Variants in CDH8 observed in about 807,000 individuals in gnomAD.
CDH8 encodes cadherin-8.
In CDH8, 17 loss-of-function variants were observed where a neutral mutation model predicts 68.1. That is an observed-to-expected ratio of 0.25 (90% CI 0.17 to 0.37). The LOEUF is 0.37. Among genes scored for constraint, CDH8 ranks in the 10% least tolerant of loss-of-function variants. The pLI is 1.00. For missense variants in CDH8, 763 were observed against 999.3 expected (o/e 0.76, Z 3.19); for synonymous variants, 372 against 365.1 (o/e 1.02, Z -0.21).
chr16:61,820,973 T>C lies in CDH8; in HGVS notation c.976A>G (p.Ile326Val), dbSNP rs200370241. 1.2e-5 allele frequency: 19 copies of C among 1,612,686 alleles called. No homozygotes were observed. The highest frequency in any genetic ancestry group is 1.4e-5 in the Non-Finnish European group (17 of 1,179,212). Residue 326 changes from isoleucine to valine, a missense_variant, in exon 6 of 12, where the codon ATC becomes GTC. Transcript: ENST00000577390. ...TCCTGGGCCTGGGCATCAGAAGTGA[T>C]TTCAAAAAGTGCTGTTCCATCTCCA... Reference protein sequence around the residue: ...IDGDGTALFEITSDAQAQDGI... With the variant: ...IDGDGTALFEVTSDAQAQDGI...
At chr16:61,856,684 T>C (rs1469851715) in intron 4 of CDH8, among the ~76,000 whole-genome samples, 2 of 152,124 alleles carry the variant, frequency 1.3e-5, no homozygotes, top group African/African-American at 4.8e-5. Flanking sequence ...GTGCACTGTG[T>C]GTTTGGTATT....
intron 8 of CDH8, among the ~76,000 whole-genome samples, chr16:61,763,281 G>T (rs1960511968): frequency 6.6e-6 from 1 of 152,118 alleles, no homozygotes; most frequent in African/African-American, 2.4e-5. Flanking sequence ...ATACACACGT[G>T]CCAGGGTCAG....
At chr16:61,883,538 A>C (rs1963616384) in intron 3 of CDH8, among the ~76,000 whole-genome samples, 1 of 151,990 alleles carries the variant, frequency 6.6e-6, no homozygotes, top group African/African-American at 2.4e-5. Flanking sequence ...CTTTGTTTCT[A>C]CTTATGGCAA....
intron 3 of CDH8, among the ~76,000 whole-genome samples, chr16:61,885,613 C>T (rs1237141433): frequency 2.0e-5 from 3 of 150,918 alleles, no homozygotes; most frequent in East Asian, 3.9e-4. Flanking sequence ...GACATTGTAA[C>T]GTGTTACATA....
At position 61,971,419 on chromosome 16, in the gene CDH8, C is replaced by A. The variant is rs543954781; in HGVS notation, c.252+49733G>T. Reference sequence around the variant, plus strand: ...CAGCTCACAGAACTCCAGGAAACTACATTTTCTGGTTTAATAGAATATTTT... The same window carrying A: ...CAGCTCACAGAACTCCAGGAAACTAAATTTTCTGGTTTAATAGAATATTTT... On this transcript the variant is annotated intron_variant, in intron 2 of 11. Coordinates refer to ENST00000577390, the MANE Select transcript of CDH8 (RefSeq NM_001796.5). Among the ~76,000 whole-genome samples, 7 of 152,202 alleles carry A rather than the reference C, an allele frequency of 4.6e-5. 1 individual carries two copies. In the South Asian group the frequency reaches 1.4e-3, roughly 32 times the overall value.
intron 3 of CDH8, among the ~76,000 whole-genome samples, chr16:61,872,194 A>G (rs1963382878): frequency 6.6e-6 from 1 of 152,208 alleles, no homozygotes; most frequent in African/African-American, 2.4e-5. Context: ...TGTTATCTCA[A>G]GTTTTTAATT....
intron 2 of CDH8, among the ~76,000 whole-genome samples, chr16:61,931,785 T>C (rs1249264755): frequency 6.6e-6 from 1 of 152,188 alleles, no homozygotes; most frequent in Non-Finnish European, 1.5e-5. Flanking sequence ...TTAAAACATC[T>C]ATAATACTAA....
intron 2 of CDH8, among the ~76,000 whole-genome samples, chr16:62,012,412 C>T (rs181759679): frequency 4.0e-4 from 61 of 152,234 alleles, no homozygotes; most frequent in African/African-American, 1.4e-3. Flanking sequence ...TTCACGGTTT[C>T]ATAAAAATGA....
chr16:61,894,588 C>T (rs1963838620), intron 3 of CDH8, among the ~76,000 whole-genome samples: 1 of 152,098 alleles, frequency 6.6e-6, no homozygotes, highest in Non-Finnish European at 1.5e-5. Context: ...ATTTGTACAA[C>T]ATTTGCAATT....
intron 2 of CDH8, among the ~76,000 whole-genome samples, chr16:61,921,652 T>C (rs1384432608): frequency 6.6e-6 from 1 of 152,182 alleles, no homozygotes; most frequent in Non-Finnish European, 1.5e-5. Flanking sequence ...ATTTCCCAAA[T>C]ACATGATGTT....
intron 2 of CDH8, among the ~76,000 whole-genome samples, chr16:61,950,620 CA>C (rs1224498547): frequency 2.6e-5 from 4 of 152,146 alleles, no homozygotes; most frequent in Non-Finnish European, 5.9e-5. Context: ...ATATCTACTT[CA>C]TTTCTTATTT....
intron 8 of CDH8, among the ~76,000 whole-genome samples, chr16:61,735,082 C>G (rs1221782210): frequency 6.6e-6 from 1 of 151,978 alleles, no homozygotes; most frequent in Non-Finnish European, 1.5e-5. Context: ...TTCTCGTCTT[C>G]TTCTTGTATC....
At chr16:61,833,209 A>T (rs1284223466) in intron 4 of CDH8, among the ~76,000 whole-genome samples, 1 of 151,316 alleles carries the variant, frequency 6.6e-6, no homozygotes, top group Non-Finnish European at 1.5e-5. Flanking sequence ...TATGTATAAT[A>T]TTATATACAC....
intron 2 of CDH8, among the ~76,000 whole-genome samples, chr16:61,973,718 T>C (rs1192380516): frequency 1.3e-5 from 2 of 152,200 alleles, no homozygotes; most frequent in Admixed American, 6.5e-5. Context: ...AGATGTCATA[T>C]CCTGAAGGAT....
chr16:61,681,154 C>A (rs931911970), intron 10 of CDH8, among the ~76,000 whole-genome samples: 1 of 151,786 alleles, frequency 6.6e-6, no homozygotes, highest in Admixed American at 6.6e-5. Context: ...TACTATATGA[C>A]CCAGCCATTT....
intron 3 of CDH8, among the ~76,000 whole-genome samples, chr16:61,895,917 A>G (rs1386820646): frequency 6.6e-6 from 1 of 152,142 alleles, no homozygotes; most frequent in Non-Finnish European, 1.5e-5. Flanking sequence ...AGAGATAGAG[A>G]AAGTCAAGCT....
At chr16:62,016,192 C>T (rs557022964) in intron 2 of CDH8, among the ~76,000 whole-genome samples, 9 of 152,140 alleles carry the variant, frequency 5.9e-5, no homozygotes. Context: ...TTCAAGAGAA[C>T]CACATTCCTT....
chr16:61,719,135 T>G (rs1442389336), intron 9 of CDH8, among the ~76,000 whole-genome samples: 1 of 150,982 alleles, frequency 6.6e-6, no homozygotes, highest in East Asian at 2.0e-4. Context: ...ACCATTTTTT[T>G]TTTTTTTGGC....
chr16:61,862,516 C>A (rs987150339), intron 3 of CDH8, among the ~76,000 whole-genome samples: 5 of 152,158 alleles, frequency 3.3e-5, no homozygotes, highest in Non-Finnish European at 7.3e-5. Flanking sequence ...AAATCCACAT[C>A]CTTCAGCTTT....
Sources: gnomAD v4.1 joint callset for allele counts (sites outside exome capture counted in the v4.1 genomes callset) on GRCh38, gnomAD v4.1.1 for gene constraint, MANE v1.5 for transcripts, NCBI Gene and HGNC (gene_info 2026-07-23, HGNC 2026-07-21) for gene names.